The following YLPM1 variants were observed in gnomAD, a reference collection of about 807,000 sequenced individuals.
YLPM1 encodes YLP motif-containing protein 1.
Under a neutral mutation model 230.0 loss-of-function variants are expected in YLPM1, and 99 were observed. The observed-to-expected ratio is 0.43, with a 90% CI of 0.37 to 0.51. The LOEUF is 0.51. YLPM1 is among the 20% of genes least tolerant of loss of function. YLPM1 has a pLI of 0.00. For missense variants in YLPM1, 2,592 were observed against 2,707.7 expected (o/e 0.96, Z 0.95); for synonymous variants, 984 against 942.5 (o/e 1.04, Z -0.81).
Position 74,808,804 on chromosome 14 carries a change from CAA to C in YLPM1, c.4522-559_4522-558del, listed in dbSNP as rs34802468. Among the ~76,000 whole-genome samples, 324 of 122,898 alleles carry C rather than the reference CAA, an allele frequency of 2.6e-3. 1 individual carries two copies. The highest frequency in any genetic ancestry group is 8.8e-3 in the Middle Eastern group (2 of 226). The allele number at this position is 122,898 out of a possible 152,430, so 80.6% of individuals were successfully genotyped here. Reference sequence around the variant, plus strand: ...GAGCAACAAGAGTGAAACTCCGTCTCAAAAAAAAAAAAAAAAAATTGTGTTTG... The same window carrying C: ...GAGCAACAAGAGTGAAACTCCGTCTCAAAAAAAAAAAAAAAATTGTGTTTG... On this transcript the variant is annotated intron_variant, in intron 6 of 20. Transcript: ENST00000325680.
At chr14:74,835,643 TATAAAA>T (rs1019207518) in intron 20 of YLPM1, 126 bp from the exon 21 acceptor site, 21 of 514,716 alleles carry the variant, frequency 4.1e-5, no homozygotes, top group Non-Finnish European at 5.8e-5. Flanking sequence ...CTGGCTCACT[TATAAAA>T]ATAAAAACCT....
chr14:74,774,775 C>T (rs1026515780), intron 1 of YLPM1, among the ~76,000 whole-genome samples: 4 of 150,180 alleles, frequency 2.7e-5, no homozygotes, highest in Non-Finnish European at 5.9e-5. Flanking sequence ...AACTCCTGAC[C>T]TTAGGTGATC....
In YLPM1 at chr14:74,798,543, G is replaced by C. The variant is rs999751254; in HGVS notation, c.3246G>C (p.Gly1082=). Residue 1082 remains glycine (G), a synonymous_variant, in exon 5 of 21, where the codon GGG becomes GGC. Coordinates refer to ENST00000325680, the MANE Select transcript of YLPM1 (RefSeq NM_019589.3). Reference sequence around the variant, plus strand: ...GAGGAGAAGGTAGCCGGGACAGAGGGTTGGTGAGGCCTGGAAGCAGTCGGG... The same window carrying C: ...GAGGAGAAGGTAGCCGGGACAGAGGCTTGGTGAGGCCTGGAAGCAGTCGGG... ...MNRGEGSRDR[G]LVRPGSSREK... is the part of the protein sequence containing the mutation. The C allele has an allele frequency of 1.2e-6, 2 of 1,613,946 alleles. No individual in the cohort carries two copies. The highest frequency in any genetic ancestry group is 1.7e-6 in the Non-Finnish European group (2 of 1,179,882).
intron 1 of YLPM1, among the ~76,000 whole-genome samples, chr14:74,770,662 A>G (rs1372905052): frequency 1.3e-5 from 2 of 152,160 alleles, no homozygotes; most frequent in African/African-American, 4.8e-5. Flanking sequence ...ATTAACCAGA[A>G]GTTAGAATTC....
intron 9 of YLPM1, 110 bp downstream of exon 9, chr14:74,810,530 T>G (rs1249522577): frequency 8.6e-7 from 1 of 1,159,966 alleles, no homozygotes; most frequent in Non-Finnish European, 1.2e-6. Context: ...TGTGTATATG[T>G]AATTTGGAGG....
At chr14:74,782,785 A>G (rs1566743460) in intron 4 of YLPM1, among the ~76,000 whole-genome samples, 2 of 152,152 alleles carry the variant, frequency 1.3e-5, no homozygotes, top group Non-Finnish European at 2.9e-5. Context: ...CTTTTATTTT[A>G]TCCATTCAGC....
chr14:74,789,403 G>C (rs536954558), intron 4 of YLPM1, among the ~76,000 whole-genome samples: 1 of 151,984 alleles, frequency 6.6e-6, no homozygotes, highest in Non-Finnish European at 1.5e-5. Context: ...TTTTAGTACA[G>C]ATGGGGTTTC....
chr14:74,816,719 G>A (rs2091481023), intron 13 of YLPM1, 29 bp downstream of exon 13: 1 of 1,588,898 alleles, frequency 6.3e-7, no homozygotes, highest in African/African-American at 1.4e-5. Flanking sequence ...ATCTCGTTCT[G>A]ATTCATTAAT....
chr14:74,783,826 C>T (rs2091119723), intron 4 of YLPM1, among the ~76,000 whole-genome samples: 1 of 152,184 alleles, frequency 6.6e-6, no homozygotes, highest in African/African-American at 2.4e-5. Flanking sequence ...ACATTATTAT[C>T]TCATGGAAGT....
chr14:74,812,152 A>G (rs1324192379), intron 10 of YLPM1, among the ~76,000 whole-genome samples: 1 of 152,168 alleles, frequency 6.6e-6, no homozygotes, highest in East Asian at 1.9e-4. Context: ...GAGTGGATAA[A>G]ATATAAGACC....
chr14:74,827,889 T>G, intron 18 of YLPM1: 1 of 985,400 alleles, frequency 1.0e-6, no homozygotes, highest in African/African-American at 1.7e-5. Flanking sequence ...GCCATGTGAT[T>G]CCAGAAATTA....
chr14:74,834,539 G>A (rs150687370), intron 19 of YLPM1, among the ~76,000 whole-genome samples: 47 of 152,252 alleles, frequency 3.1e-4, no homozygotes, highest in African/African-American at 7.7e-4. Flanking sequence ...ATCAAAATCC[G>A]GAAGTTAACT....
intron 6 of YLPM1, among the ~76,000 whole-genome samples, chr14:74,803,359 A>T (rs2091346326): frequency 6.6e-6 from 1 of 152,188 alleles, no homozygotes; most frequent in Non-Finnish European, 1.5e-5. Flanking sequence ...GGCTTTTCAA[A>T]TGTTTAAAAT....
intron 6 of YLPM1, among the ~76,000 whole-genome samples, chr14:74,807,805 G>A (rs1034648039): frequency 1.3e-5 from 2 of 152,230 alleles, no homozygotes; most frequent in African/African-American, 4.8e-5. Context: ...GAACAGAAGT[G>A]TGGAGGCTAT....
rs775149037 is a variant in YLPM1, at chr14:74,799,504, G to C, written c.4207G>C (p.Asp1403His). The C allele has an allele frequency of 3.7e-6, 6 of 1,613,888 alleles. No homozygotes were observed. The highest frequency in any genetic ancestry group is 5.1e-6 in the Non-Finnish European group (6 of 1,179,910). The change falls in exon 5 of 21, where the codon GAC (aspartate) becomes CAC (histidine). Residue 1403 changes from aspartate (D) to histidine (H), a missense_variant. Asp to His is a moderately conservative substitution (Grantham distance 81). Coordinates refer to ENST00000325680, the MANE Select transcript of YLPM1 (RefSeq NM_019589.3). ...GGACTGGGAAAGAGAACGGTTGTCA[G>C]ACAGATGGTACCCATCTGATGTGGA... ...RMDWERERLS[D>H]RWYPSDVDRH...
chr14:74,774,535 A>C (rs2091013382), intron 1 of YLPM1, among the ~76,000 whole-genome samples: 2 of 152,116 alleles, frequency 1.3e-5, no homozygotes, highest in African/African-American at 4.8e-5. Context: ...CCTCCCAAGT[A>C]GCTGGGACTA....
chr14:74,800,407 G>A (rs1224286648), intron 5 of YLPM1, among the ~76,000 whole-genome samples: 2 of 152,140 alleles, frequency 1.3e-5, no homozygotes, highest in African/African-American at 2.4e-5. Flanking sequence ...CTTACTCCGG[G>A]CCAGGAACTG....
At position 74,799,132 on chromosome 14, in the gene YLPM1, A is replaced by G. The variant is rs201653503; in HGVS notation, c.3835A>G (p.Asn1279Asp). 579 of 1,613,912 alleles carry G rather than the reference A, an allele frequency of 3.6e-4. 2 individuals carry two copies. The highest frequency in any genetic ancestry group is 1.3e-3 in the Admixed American group (78 of 60,014). The stretch of plus-strand genomic sequence containing the variant: ...AGACCAGGATATGGATGAGGACTAC[A>G]ATAGGGAAATGGAAAGGGACATGGA... ...ERDQDMDEDY[N>D]REMERDMDRD... is the part of the protein sequence containing the mutation. Residue 1279 changes from asparagine (N) to aspartate (D), a missense_variant, in exon 5 of 21, where the codon AAT becomes GAT. Asn to Asp is a conservative substitution (Grantham distance 23). Coordinates refer to ENST00000325680, the MANE Select transcript of YLPM1 (RefSeq NM_019589.3).
rs1388462814 is a variant in YLPM1 at position 74,816,706 on chromosome 14, C to T, written c.5685+16C>T. 1.2e-6 allele frequency: 2 copies of T among 1,601,904 alleles called. No individual in the cohort carries two copies. Among genetic ancestry groups the T allele is most frequent in the Admixed American group, 3.5e-5 (2 of 57,256 alleles). ...GAAAAAGAAGGTATGGTATTCATCT[C>T]AGATCTCGTTCTGATTCATTAATAG... On this transcript the variant is annotated intron_variant, in intron 13 of 20. Coordinates refer to ENST00000325680, the MANE Select transcript of YLPM1 (RefSeq NM_019589.3).
Sources: gnomAD v4.1 joint callset for allele counts (sites outside exome capture counted in the v4.1 genomes callset) on GRCh38, gnomAD v4.1.1 for gene constraint, MANE v1.5 for transcripts, NCBI Gene and HGNC (gene_info 2026-07-23, HGNC 2026-07-21) for gene names.